Variants in MAN1A1 observed in about 807,000 individuals in gnomAD.
MAN1A1 encodes the protein mannosyl-oligosaccharide 1,2-alpha-mannosidase IA.
MAN1A1 carries 29 observed loss-of-function variants against 70.8 expected under a neutral mutation model. That is an observed-to-expected ratio of 0.41 (90% CI 0.31 to 0.56). The LOEUF (loss-of-function observed/expected upper bound fraction) is 0.56, where lower values mean the gene tolerates loss of function less well. Among genes scored for constraint, MAN1A1 ranks in the 20% least tolerant of loss-of-function variants. The pLI is 0.29. For missense variants in MAN1A1, 747 were observed against 841.3 expected, an observed-to-expected ratio of 0.89 and a Z score of 1.39; for synonymous variants, 349 against 330.1, an observed-to-expected ratio of 1.06 and a Z score of -0.62.
intron 4 of MAN1A1, among the ~76,000 whole-genome samples, chr6:119,294,355 C>T (rs1772138371): frequency 6.6e-6 from 1 of 151,856 alleles, no homozygotes; most frequent in Non-Finnish European, 1.5e-5. Context: ...ACCGACTTAC[C>T]CTAATGACAG....
At chr6:119,273,911 T>C (rs563580896) in intron 5 of MAN1A1, among the ~76,000 whole-genome samples, 10 of 152,272 alleles carry the variant, frequency 6.6e-5, no homozygotes, top group Middle Eastern at 3.4e-3. Flanking sequence ...GGGGAAAGTA[T>C]TGAATGGATA....
intron 5 of MAN1A1, among the ~76,000 whole-genome samples, chr6:119,262,658 C>T (rs920900208): frequency 2.0e-5 from 3 of 152,104 alleles, no homozygotes; most frequent in Non-Finnish European, 4.4e-5. Flanking sequence ...ATAAATTGTT[C>T]TACCATAAGG....
At chr6:119,209,194 T>A (rs1773976242) in intron 6 of MAN1A1, among the ~76,000 whole-genome samples, 1 of 151,640 alleles carries the variant, frequency 6.6e-6, no homozygotes, top group Admixed American at 6.6e-5. Context: ...ATGTACCAGA[T>A]AATTTATAGA....
At chr6:119,285,261 A>G (rs1362334020) in intron 5 of MAN1A1, among the ~76,000 whole-genome samples, 1 of 151,808 alleles carries the variant, frequency 6.6e-6, no homozygotes, top group Admixed American at 6.6e-5. Flanking sequence ...TACAGGCATG[A>G]GCCACCATGT....
chr6:119,186,469 G>C (rs1377009157), intron 11 of MAN1A1, among the ~76,000 whole-genome samples: 1 of 152,182 alleles, frequency 6.6e-6, no homozygotes, highest in Non-Finnish European at 1.5e-5. Context: ...TCAACTGTGT[G>C]CAACGAGGCT....
At chr6:119,277,653 C>G in intron 5 of MAN1A1, among the ~76,000 whole-genome samples, 1 of 151,646 alleles carries the variant, frequency 6.6e-6, no homozygotes. Context: ...GAGGCCTTAT[C>G]TCTACAAAAA....
chr6:119,349,793 G>A (rs1773854449), upstream of MAN1A1: 10 of 974,290 alleles, frequency 1.0e-5, no homozygotes, highest in African/African-American at 1.8e-5. Flanking sequence ...GCGGTGGAAA[G>A]CGAGGGAGGC....
At chr6:119,302,319 C>A (rs1054500082) in intron 3 of MAN1A1, among the ~76,000 whole-genome samples, 1 of 151,910 alleles carries the variant, frequency 6.6e-6, no homozygotes, top group African/African-American at 2.4e-5. Flanking sequence ...AAAGTTTCTT[C>A]TGAGTTATAA....
At chr6:119,306,851 G>T in intron 3 of MAN1A1, 45 bp downstream of exon 3, 2 of 1,330,354 alleles carry the variant, frequency 1.5e-6, no homozygotes, top group Non-Finnish European at 2.2e-6. Context: ...TCAAGCAATT[G>T]GGGAGAAGTT....
At chr6:119,181,496 C>G (rs1326938537) in intron 11 of MAN1A1, among the ~76,000 whole-genome samples, 1 of 149,716 alleles carries the variant, frequency 6.7e-6, no homozygotes, top group Non-Finnish European at 1.5e-5. Context: ...TGGGATGACT[C>G]CACTGACAAC....
intron 5 of MAN1A1, among the ~76,000 whole-genome samples, chr6:119,283,616 A>G (rs1395496942): frequency 6.6e-6 from 1 of 152,020 alleles, no homozygotes; most frequent in Non-Finnish European, 1.5e-5. Flanking sequence ...GGCTGTATCT[A>G]TCTTGGTGGG....
chr6:119,228,739 T>C (rs1399554086), intron 6 of MAN1A1, among the ~76,000 whole-genome samples: 1 of 152,098 alleles, frequency 6.6e-6, no homozygotes, highest in Non-Finnish European at 1.5e-5. Context: ...TATGTACCTA[T>C]CCATAAATGA....
chr6:119,209,861 A>T (rs1335807732), intron 6 of MAN1A1, among the ~76,000 whole-genome samples: 1 of 152,150 alleles, frequency 6.6e-6, no homozygotes, highest in East Asian at 1.9e-4. Context: ...TTTCCCAATG[A>T]CTATCTCTCT....
chr6:119,227,941 T>G (rs1774565314), intron 6 of MAN1A1, among the ~76,000 whole-genome samples: 1 of 152,300 alleles, frequency 6.6e-6, no homozygotes, highest in East Asian at 1.9e-4. Flanking sequence ...GCACTATATA[T>G]AGAGAAATAC....
intron 11 of MAN1A1, among the ~76,000 whole-genome samples, chr6:119,187,781 G>C (rs978234103): frequency 6.6e-6 from 1 of 152,138 alleles, no homozygotes; most frequent in Non-Finnish European, 1.5e-5. Flanking sequence ...GCCTCCTCAG[G>C]CATTCGGCAC....
At chr6:119,199,917 G>A (rs967017709) in intron 8 of MAN1A1, among the ~76,000 whole-genome samples, 6 of 151,344 alleles carry the variant, frequency 4.0e-5, no homozygotes, top group Admixed American at 1.3e-4. Context: ...GACACAGTGG[G>A]ACCCTGTCCC....
Position 119,179,261 on chromosome 6 carries a change from A to G in MAN1A1, c.*558T>C, listed in dbSNP as rs1773083781. 6.6e-6 allele frequency: 1 copy of G among 152,640 alleles called. No homozygotes were observed. The highest frequency in any genetic ancestry group is 6.5e-5 in the Admixed American group (1 of 15,286). 9.5% of individuals were successfully genotyped at this position (152,640 alleles called of 1,614,324 possible). A position where few individuals can be genotyped will look rare whatever the true frequency, so the allele number is the denominator to read the frequency against. On this transcript the variant is annotated 3_prime_UTR_variant, in exon 13 of 13. Transcript: ENST00000368468. Reference sequence around the variant, plus strand: ...GGAATGACTTTCTAATTTGAATTACAATGTGAGTGAAGTATTTTAGAAGAC... The same window carrying G: ...GGAATGACTTTCTAATTTGAATTACGATGTGAGTGAAGTATTTTAGAAGAC...
chr6:119,272,059 T>C (rs950697935), intron 5 of MAN1A1, among the ~76,000 whole-genome samples: 1 of 152,234 alleles, frequency 6.6e-6, no homozygotes, highest in African/African-American at 2.4e-5. Context: ...AAAAATTAAG[T>C]ATTTCAAATT....
intron 6 of MAN1A1, among the ~76,000 whole-genome samples, chr6:119,244,138 A>AG (rs1390120346): frequency 6.6e-6 from 1 of 152,098 alleles, no homozygotes; most frequent in Non-Finnish European, 1.5e-5. Flanking sequence ...TACTCTACCT[A>AG]GACTTGAATT....
Sources: gnomAD v4.1 joint callset for allele counts (sites outside exome capture counted in the v4.1 genomes callset) on GRCh38, gnomAD v4.1.1 for gene constraint, MANE v1.5 for transcripts, NCBI Gene and HGNC (gene_info 2026-07-23, HGNC 2026-07-21) for gene names.